Variants in TRPA1 observed in about 807,000 individuals in gnomAD.
The protein encoded by TRPA1 is transient receptor potential cation channel subfamily A member 1.
TRPA1 carries 129 observed loss-of-function variants against 131.3 expected under a neutral mutation model. The observed-to-expected ratio is 0.98, with a 90% CI of 0.85 to 1.14. The LOEUF is 1.14. TRPA1 is among the 50% of genes most tolerant of loss of function. The pLI is 0.00. For missense variants in TRPA1, 1,304 were observed against 1,354.2 expected (o/e 0.96, Z 0.58); for synonymous variants, 441 against 451.7 (o/e 0.98, Z 0.30).
At chr8:72,072,327 T>C (rs992308118) in intron 1 of TRPA1, among the ~76,000 whole-genome samples, 25 of 152,238 alleles carry the variant, frequency 1.6e-4, no homozygotes, top group Non-Finnish European at 8.8e-5. Context: ...AGGTATTTAA[T>C]GTATCCTTAA....
rs1315245723 is a variant in TRPA1 at position 72,022,863 on chromosome 8, G to A, written c.*43C>T. The A allele has an allele frequency of 6.4e-7, 1 of 1,563,560 alleles. No homozygotes were observed. Among genetic ancestry groups the A allele is most frequent in the African/African-American group, 1.4e-5 (1 of 73,850 alleles). ...TTAAATTGAAAGTTAGAACCAGCAA[G>A]TCATGCACCCCCCATTAGAAGCCTC... On this transcript the variant is annotated 3_prime_UTR_variant, in exon 27 of 27. Transcript: ENST00000262209.
Position 72,050,878 on chromosome 8 carries a change from A to G in TRPA1, c.1812-7T>C. The G allele has an allele frequency of 1.9e-6, 3 of 1,577,588 alleles. No individual in the cohort carries two copies. Among genetic ancestry groups the G allele is most frequent in the Non-Finnish European group, 2.6e-6 (3 of 1,149,298 alleles). ...CTTAAGACATTCATCCCATCTGTAAAAAATAAATAAGTAAGATAAGCACAG... is the reference window on the plus strand; with the variant it reads ...CTTAAGACATTCATCCCATCTGTAAGAAATAAATAAGTAAGATAAGCACAG... On this transcript the variant is annotated splice_polypyrimidine_tract_variant and splice_region_variant and intron_variant, in intron 14 of 26. Coordinates refer to ENST00000262209, the MANE Select transcript of TRPA1 (RefSeq NM_007332.3).
At chr8:72,053,492 A>G in intron 13 of TRPA1, 2 of 496,118 alleles carry the variant, frequency 4.0e-6, no homozygotes. Context: ...TAAACGCTTT[A>G]CCATCAAATT....
intron 18 of TRPA1, 101 bp from the exon 19 acceptor site, chr8:72,039,128 G>T: frequency 8.5e-7 from 1 of 1,174,712 alleles, no homozygotes; most frequent in Non-Finnish European, 1.2e-6. Flanking sequence ...CAGAAACCTT[G>T]TTGGTAAATT....
At chr8:72,059,601 T>C (rs944579731) in intron 7 of TRPA1, among the ~76,000 whole-genome samples, 163 bp from the exon 8 acceptor site, 1 of 152,212 alleles carries the variant, frequency 6.6e-6, no homozygotes, top group African/African-American at 2.4e-5. Flanking sequence ...AATTTGATTC[T>C]GATTAGGGTA....
intron 14 of TRPA1, 134 bp downstream of exon 14, chr8:72,052,465 T>C (rs554204044): frequency 9.5e-7 from 1 of 1,054,604 alleles, no homozygotes; most frequent in East Asian, 2.7e-5. Context: ...CTTTAAAAAA[T>C]TGATGTAAAC....
intron 24 of TRPA1, among the ~76,000 whole-genome samples, chr8:72,028,526 T>TTAA: frequency 6.6e-6 from 1 of 152,328 alleles, no homozygotes; most frequent in East Asian, 1.9e-4. Flanking sequence ...TTGCATTCTC[T>TTAA]TAATTATTTT....
At chr8:72,026,523 G>A (rs1374176258) in intron 24 of TRPA1, among the ~76,000 whole-genome samples, 2 of 152,200 alleles carry the variant, frequency 1.3e-5, no homozygotes, top group African/African-American at 4.8e-5. Context: ...TCTAGGGCAG[G>A]AGAGAAGAAG....
rs550472253 is a variant in TRPA1, at chr8:72,060,515, A to G, written c.945-1077T>C. On this transcript the variant is annotated intron_variant, in intron 7 of 26. Coordinates refer to ENST00000262209, the MANE Select transcript of TRPA1 (RefSeq NM_007332.3). The stretch of plus-strand genomic sequence containing the variant: ...TTATTTTTTACTGAATTATTTTCAT[A>G]TCACCAATCCTGGATTCATATACGA... 5.3e-5 allele frequency: 8 copies of G among 152,264 alleles called. No homozygotes were observed. In the East Asian group the frequency reaches 1.5e-3, roughly 29 times the overall value. The allele number at this position is 152,264 out of a possible 1,614,324, so 9.4% of individuals were successfully genotyped here.
the TRPA1 span, among the ~76,000 whole-genome samples, chr8:72,081,637 A>G: frequency 5.9e-5 from 9 of 151,782 alleles, no homozygotes; most frequent in Admixed American, 5.9e-4. Flanking sequence ...TTCTTCTCAC[A>G]ATTCTGTCAG....
At chr8:72,060,411 G>A (rs1380035163) in intron 7 of TRPA1, 2 of 152,004 alleles carry the variant, frequency 1.3e-5, no homozygotes, top group African/African-American at 4.8e-5. Flanking sequence ...TGATTCTAAT[G>A]TGCAACAGTT....
chr8:72,044,445 C>T (rs1020081576), intron 17 of TRPA1, among the ~76,000 whole-genome samples: 1 of 151,972 alleles, frequency 6.6e-6, no homozygotes, highest in African/African-American at 2.4e-5. Flanking sequence ...AATCCTCTTA[C>T]GTTTCTGAAA....
At chr8:72,082,923 G>T in the TRPA1 span, among the ~76,000 whole-genome samples, 1 of 149,838 alleles carries the variant, frequency 6.7e-6, no homozygotes, top group African/African-American at 2.5e-5. Flanking sequence ...TTTCTTTTTG[G>T]GACTTCCATT....
At chr8:72,056,043 T>C in intron 10 of TRPA1, 188 bp from the exon 11 acceptor site, 1 of 645,004 alleles carries the variant, frequency 1.6e-6, no homozygotes, top group South Asian at 1.9e-5. Context: ...TCTGTCTTCA[T>C]TTAGTGTACA....
chr8:72,078,867 G>A (rs1187257781), upstream of TRPA1, among the ~76,000 whole-genome samples: 1 of 151,960 alleles, frequency 6.6e-6, no homozygotes, highest in Non-Finnish European at 1.5e-5. Context: ...CATTTTATAT[G>A]GCCTCCAGCA....
At chr8:72,089,034 G>T in the TRPA1 span, among the ~76,000 whole-genome samples, 3 of 152,030 alleles carry the variant, frequency 2.0e-5, no homozygotes, top group Admixed American at 2.0e-4. Flanking sequence ...ACAGCAAATC[G>T]TATTTCAAAT....
At chr8:72,037,625 A>T (rs984739482) in intron 20 of TRPA1, among the ~76,000 whole-genome samples, 5 of 152,120 alleles carry the variant, frequency 3.3e-5, no homozygotes, top group African/African-American at 1.2e-4. Context: ...TAACTTCTTT[A>T]TAAACATTTA....
At position 72,065,482 on chromosome 8, in the gene TRPA1, G is replaced by A. The variant is rs1805909098; in HGVS notation, c.521C>T (p.Thr174Ile). 1.2e-6 allele frequency: 2 copies of A among 1,613,460 alleles called. No homozygotes were observed. The highest frequency in any genetic ancestry group is 1.7e-4 in the Middle Eastern group (1 of 6,052). Reference sequence around the variant, plus strand: ...CTGCAATGCTTCGCTATTATTTGTGGTGCACGCAATGATCACAGCTGTGTT... The same window carrying A: ...CTGCAATGCTTCGCTATTATTTGTGATGCACGCAATGATCACAGCTGTGTT... The part of the protein sequence containing the change: ...NGNTAVIIAC[T>I]TNNSEALQIL... The change falls in exon 4 of 27, where the codon ACC becomes ATC. Residue 174 changes from threonine (T) to isoleucine (I), a missense_variant. Transcript: ENST00000262209.
At chr8:72,026,755 A>G (rs1811625245) in intron 24 of TRPA1, among the ~76,000 whole-genome samples, 1 of 152,054 alleles carries the variant, frequency 6.6e-6, no homozygotes, top group Non-Finnish European at 1.5e-5. Flanking sequence ...CTGCTTTTTT[A>G]CACCCCTTTG....
Sources: gnomAD v4.1 joint callset for allele counts (sites outside exome capture counted in the v4.1 genomes callset) on GRCh38, gnomAD v4.1.1 for gene constraint, MANE v1.5 for transcripts, NCBI Gene and HGNC (gene_info 2026-07-23, HGNC 2026-07-21) for gene names.